FBXW12: variants seen among roughly 807,000 people sequenced by gnomAD.
FBXW12 encodes the protein F-box and WD repeat domain containing 12, also known as F-box/WD repeat-containing protein 12.
Under a neutral mutation model 55.3 loss-of-function variants are expected in FBXW12, and 43 were observed. The observed-to-expected ratio is 0.78, with a 90% CI of 0.61 to 1.00. The LOEUF is 1.00. FBXW12 is among the 50% of genes least tolerant of loss of function. The pLI, the probability that FBXW12 is intolerant of heterozygous loss-of-function variation, is 0.00. For missense variants in FBXW12, 524 were observed against 560.5 expected (o/e 0.93, Z 0.66); for synonymous variants, 184 against 203.8 (o/e 0.90, Z 0.83).
In FBXW12 at chr3:48,380,757, C is replaced by A; in HGVS notation, c.830C>A (p.Thr277Asn). 1 of 1,614,128 alleles carries A rather than the reference C, an allele frequency of 6.2e-7. No homozygotes were observed. Among genetic ancestry groups the A allele is most frequent in the Non-Finnish European group, 8.5e-7 (1 of 1,180,004 alleles). ...RPSEGSVPLS[T>N]FLPHKLCASA... ...TCAGAAGGCAGTGTTCCTCTGTCTA[C>A]CTTTCTCCCACATAAATTATGTGCC... is the stretch of plus-strand genomic sequence containing the variant. Residue 277 changes from threonine to asparagine, a missense_variant, in exon 8 of 11, where the codon ACC becomes AAC. Coordinates refer to ENST00000296438, the MANE Select transcript of FBXW12 (RefSeq NM_207102.2).
chr3:48,375,599 T>G, intron 5 of FBXW12, 127 bp downstream of exon 5: 1 of 629,866 alleles, frequency 1.6e-6, no homozygotes, highest in Non-Finnish European at 2.8e-6. Context: ...AAATCAGGTT[T>G]TCTATCATGT....
chr3:48,377,180 C>T (rs1035028385), intron 5 of FBXW12, among the ~76,000 whole-genome samples: 2 of 152,196 alleles, frequency 1.3e-5, no homozygotes, highest in African/African-American at 4.8e-5. Flanking sequence ...CTACAGCTGC[C>T]AATCTCTGAG....
Position 48,372,240 on chromosome 3 carries a change from G to C in FBXW12, c.-165G>C. On this transcript the variant is annotated 5_prime_UTR_variant, in exon 1 of 11. Coordinates refer to ENST00000296438, the MANE Select transcript of FBXW12 (RefSeq NM_207102.2). ...CACGTTCTTTCTCCTCCACTGCAAA[G>C]TTAAATGCGAGAAGGTAGAAACCCA... 2.6e-6 allele frequency: 4 copies of C among 1,551,156 alleles called. No individual in the cohort carries two copies. In the South Asian group the frequency reaches 3.6e-5, roughly 14 times the overall value.
At chr3:48,383,193 T>C (rs1230392817) in intron 10 of FBXW12, among the ~76,000 whole-genome samples, 1 of 152,240 alleles carries the variant, frequency 6.6e-6, no homozygotes, top group Non-Finnish European at 1.5e-5. Context: ...TTGCTCTGTA[T>C]ATCATATCTA....
At chr3:48,374,413 T>C (rs6442116) in intron 4 of FBXW12, among the ~76,000 whole-genome samples, 86,912 of 150,820 alleles carry the variant, frequency 0.58, 24,994 homozygotes, top group South Asian at 0.68. Flanking sequence ...CTGCAGCCTC[T>C]GTCTCCTGGG....
intron 10 of FBXW12, among the ~76,000 whole-genome samples, chr3:48,387,671 C>CCAGA (rs2036866612): frequency 1.3e-5 from 2 of 152,094 alleles, no homozygotes; most frequent in Non-Finnish European, 2.9e-5. Context: ...CCTCAGCCTC[C>CCAGA]CAGAGTAGCT....
chr3:48,378,582 C>A, intron 6 of FBXW12, 56 bp downstream of exon 6: 11 of 1,339,040 alleles, frequency 8.2e-6, no homozygotes, highest in South Asian at 1.2e-5. Flanking sequence ...GTTGTCTTGT[C>A]AGGCATCCGT....
chr3:48,380,795 A>C lies in FBXW12; in HGVS notation c.868A>C (p.Thr290Pro). 2 of 1,614,096 alleles carry C rather than the reference A, an allele frequency of 1.2e-6. No homozygotes were observed. The highest frequency in any genetic ancestry group is 1.1e-5 in the South Asian group (1 of 91,084). Residue 290 changes from threonine (T) to proline (P), a missense_variant, in exon 8 of 11, where the codon ACC (threonine) becomes CCC (proline). By Grantham distance (38) the Thr-to-Pro change is conservative. Coordinates refer to ENST00000296438, the MANE Select transcript of FBXW12 (RefSeq NM_207102.2). ...PHKLCASACWTPKVKNRITLM... is the reference protein window; with the variant it reads ...PHKLCASACWPPKVKNRITLM... ...TAAATTATGTGCCAGCGCCTGCTGG[A>C]CCCCAAAGGTGAAAAACAGGATAAC...
intron 10 of FBXW12, among the ~76,000 whole-genome samples, chr3:48,382,764 C>T (rs1054382869): frequency 3.3e-5 from 5 of 152,152 alleles, no homozygotes; most frequent in Non-Finnish European, 5.9e-5. Context: ...TGAGATTTTA[C>T]GTAGTACACG....
At chr3:48,372,884 C>T (rs2036624409) in intron 2 of FBXW12, 27 bp downstream of exon 2, 2 of 1,602,850 alleles carry the variant, frequency 1.2e-6, no homozygotes, top group Non-Finnish European at 1.7e-6. Flanking sequence ...TCCCACTGCC[C>T]CCCAAGCCCG....
chr3:48,379,387 G>C lies in FBXW12; in HGVS notation c.616-13G>C, dbSNP rs2036732095. ...ATCTTCCTATTGATATGGTGGGGAT[G>C]CTTTGGTTTCAGGTTGGCGATGCTG... On this transcript the variant is annotated splice_polypyrimidine_tract_variant and intron_variant, in intron 6 of 10. Transcript: ENST00000296438. 1 of 1,613,754 alleles carries C rather than the reference G, an allele frequency of 6.2e-7. No individual in the cohort carries two copies. The highest frequency in any genetic ancestry group is 2.2e-5 in the East Asian group (1 of 44,884).
intron 4 of FBXW12, among the ~76,000 whole-genome samples, chr3:48,374,226 T>C (rs2036648876): frequency 6.6e-6 from 1 of 151,974 alleles, no homozygotes; most frequent in Non-Finnish European, 1.5e-5. Flanking sequence ...AATGCATACA[T>C]AGGCTCTACA....
intron 5 of FBXW12, among the ~76,000 whole-genome samples, chr3:48,377,828 T>G (rs2036706465): frequency 6.6e-6 from 1 of 152,228 alleles, no homozygotes; most frequent in Admixed American, 6.5e-5. Context: ...TATGATATAC[T>G]TTACAATTTT....
chr3:48,394,538 G>A (rs1281761316), intron 10 of FBXW12, 22 bp from the exon 11 acceptor site: 1 of 1,398,838 alleles, frequency 7.1e-7, no homozygotes, highest in Non-Finnish European at 1.0e-6. Context: ...GTTCACTGAT[G>A]ATCTTATTTT....
chr3:48,379,444 G>A lies in FBXW12; in HGVS notation c.660G>A (p.Gly220=), dbSNP rs750428615. Residue 220 remains glycine (G), a synonymous_variant, in exon 7 of 11, where the codon GGG becomes GGA. Transcript: ENST00000296438. ...ACATCTACACATTTACACTGCCTGG[G>A]TTAAGAGATGTTTCTAAAGTTACTG... ...AGDIYTFTLP[G]LRDVSKVTAF... 6.2e-7 allele frequency: 1 copy of A among 1,614,156 alleles called. No homozygotes were observed. Among genetic ancestry groups the A allele is most frequent in the South Asian group, 1.1e-5 (1 of 91,086 alleles).
chr3:48,376,456 G>A (rs1045292184), intron 5 of FBXW12, among the ~76,000 whole-genome samples: 1 of 152,094 alleles, frequency 6.6e-6, no homozygotes, highest in Non-Finnish European at 1.5e-5. Flanking sequence ...TTTTCAGAAA[G>A]TGGTCTCTAG....
chr3:48,378,196 C>G lies in FBXW12; in HGVS notation c.406-121C>G. 2 of 739,296 alleles carry G rather than the reference C, an allele frequency of 2.7e-6. 1 individual carries two copies. The highest frequency in any genetic ancestry group is 3.5e-5 in the South Asian group (2 of 57,296). The allele number at this position is 739,296 out of a possible 1,614,324, so 45.8% of individuals were successfully genotyped here. On this transcript the variant is annotated intron_variant, in intron 5 of 10. Coordinates refer to ENST00000296438, the MANE Select transcript of FBXW12 (RefSeq NM_207102.2). ...ATTGAGATGTGGAGAACTTTCATAT[C>G]CTCTGCCCAGAAGCAAGAAGATCTG...
chr3:48,379,721 T>C (rs1560031526), intron 7 of FBXW12, 163 bp downstream of exon 7: 1 of 617,210 alleles, frequency 1.6e-6, no homozygotes, highest in Non-Finnish European at 2.8e-6. Flanking sequence ...CAATGCTCTT[T>C]GAAGTAACAA....
intron 10 of FBXW12, among the ~76,000 whole-genome samples, chr3:48,388,570 C>T (rs1408835089): frequency 5.3e-5 from 8 of 152,130 alleles, no homozygotes; most frequent in Admixed American, 5.2e-4. Flanking sequence ...TTTAGCCACT[C>T]CTGCTTTATT....
Sources: gnomAD v4.1 joint callset for allele counts (sites outside exome capture counted in the v4.1 genomes callset) on GRCh38, gnomAD v4.1.1 for gene constraint, MANE v1.5 for transcripts, NCBI Gene and HGNC (gene_info 2026-07-23, HGNC 2026-07-21) for gene names.